Variants in TMEM59 observed in about 807,000 individuals in gnomAD.
TMEM59 encodes the protein transmembrane protein 59, also known as dendritic cell factor 1.
In TMEM59, 44 loss-of-function variants were observed where a neutral mutation model predicts 42.2. That is an observed-to-expected ratio of 1.04 (90% CI 0.82 to 1.34). TMEM59 has a LOEUF of 1.34. Ranked by LOEUF, TMEM59 falls within the 40% of genes most tolerant of loss-of-function variation. The probability of loss-of-function intolerance (pLI) is 0.00; values close to 1 mark genes in which losing one functional copy is unlikely to be tolerated. For missense variants in TMEM59, 359 were observed against 382.8 expected, an observed-to-expected ratio of 0.94 and a Z score of 0.52; for synonymous variants, 148 against 145.8, an observed-to-expected ratio of 1.02 and a Z score of -0.11.
chr1:54,042,141 C>T (rs1464025581), intron 4 of TMEM59, among the ~76,000 whole-genome samples: 7 of 149,996 alleles, frequency 4.7e-5, no homozygotes, highest in Non-Finnish European at 7.4e-5. Flanking sequence ...AGTTCTAATT[C>T]TAGTTGATCA....
chr1:54,046,921 A>G lies in TMEM59; in HGVS notation c.295+346T>C, dbSNP rs1000024454. On this transcript the variant is annotated intron_variant, in intron 2 of 7. Coordinates refer to ENST00000234831, the MANE Select transcript of TMEM59 (RefSeq NM_004872.5). ...CAGTAAAAAACTTGGAGATAAGTCG[A>G]TGAACTTATGATTGAAAGGTTTAGG... Among the ~76,000 whole-genome samples, 6 of 152,356 alleles carry G rather than the reference A, an allele frequency of 3.9e-5. No homozygotes were observed. The East Asian group carries it at 9.6e-4, about 24-fold the overall frequency.
At chr1:54,033,172 G>A (rs949284318) in intron 7 of TMEM59, 20 of 149,500 alleles carry the variant, frequency 1.3e-4, no homozygotes, top group African/African-American at 4.9e-4. Context: ...TGTTGCCTAG[G>A]CTGGTCTCAG....
intron 7 of TMEM59, chr1:54,034,237 T>C (rs913963058): frequency 6.6e-6 from 1 of 152,150 alleles, no homozygotes; most frequent in Admixed American, 6.6e-5. Flanking sequence ...TATCTAGGGC[T>C]GGAGGGTGAG....
intron 2 of TMEM59, 79 bp from the exon 3 acceptor site, chr1:54,045,865 A>T (rs1657315604): frequency 1.5e-6 from 2 of 1,326,440 alleles, no homozygotes; most frequent in East Asian, 5.0e-5. Flanking sequence ...GCATTTTATT[A>T]AAAAAATTTT....
At position 54,031,927 on chromosome 1, in the gene TMEM59, A is replaced by T. The variant is rs141637937; in HGVS notation, c.*223T>A. ...AAAGCAAAAAACAAAATAGCTACAG[A>T]TATTAGTAAAATAATAATACAATCC... On this transcript the variant is annotated 3_prime_UTR_variant, in exon 8 of 8. Transcript: ENST00000234831. 1.8e-4 allele frequency: 70 copies of T among 392,840 alleles called. 1 individual carries two copies. The highest frequency in any genetic ancestry group is 1.3e-3 in the African/African-American group (65 of 48,660). 24.3% of individuals were successfully genotyped at this position (392,840 alleles called of 1,614,324 possible).
chr1:54,047,448 A>C, intron 1 of TMEM59, 76 bp from the exon 2 acceptor site: 1 of 1,184,914 alleles, frequency 8.4e-7, no homozygotes, highest in Non-Finnish European at 1.2e-6. Flanking sequence ...GGTTAGGAAG[A>C]AAGCAGTTAG....
chr1:54,048,897 G>C (rs77432420), intron 1 of TMEM59, among the ~76,000 whole-genome samples: 1,553 of 152,332 alleles, frequency 0.01, 17 homozygotes, highest in Admixed American at 0.014. Flanking sequence ...CTGTTAAGAT[G>C]AAATTGAAAG....
intron 7 of TMEM59, among the ~76,000 whole-genome samples, chr1:54,035,483 A>G (rs1170738506): frequency 1.3e-5 from 2 of 152,170 alleles, no homozygotes; most frequent in East Asian, 3.8e-4. Flanking sequence ...CCAAACAAAA[A>G]TCCTTTACCT....
At position 54,036,614 on chromosome 1, in the gene TMEM59, G is replaced by T; in HGVS notation, c.812C>A (p.Ser271Tyr). 6.3e-7 allele frequency: 1 copy of T among 1,595,868 alleles called. No homozygotes were observed. Among genetic ancestry groups the T allele is most frequent in the South Asian group, 1.1e-5 (1 of 88,256 alleles). The part of the protein sequence containing the change: ...VATAVEQYVP[S>Y]EKLSIYGDLE... ...AATGGTAAGAATTAAATTTACCTCA[G>T]AGGGAACATACTGCTCCACAGCTGT... Residue 271 changes from serine (S) to tyrosine (Y), a missense_variant, in exon 7 of 8, where the codon TCT becomes TAT. Transcript: ENST00000234831.
At position 54,030,217 on chromosome 1, in the gene TMEM59, G is replaced by A. The variant is rs1484347056; in HGVS notation, c.*1933C>T. Reference sequence around the variant, plus strand: ...TGAACTCCTGGCCCCAAGTGATCTAGATAATTCTTTGTTTTGTTTTTATAA... The same window carrying A: ...TGAACTCCTGGCCCCAAGTGATCTAAATAATTCTTTGTTTTGTTTTTATAA... On this transcript the variant is annotated 3_prime_UTR_variant, in exon 8 of 8. Transcript: ENST00000234831. The A allele has an allele frequency of 6.6e-6, 1 of 151,604 alleles. No homozygotes were observed. The highest frequency in any genetic ancestry group is 1.5e-5 in the Non-Finnish European group (1 of 67,886). The allele number at this position is 151,604 out of a possible 1,614,324, so 9.4% of individuals were successfully genotyped here.
intron 4 of TMEM59, among the ~76,000 whole-genome samples, chr1:54,042,046 G>GTTTTTT (rs1253767145): frequency 7.0e-6 from 1 of 142,682 alleles, no homozygotes. Flanking sequence ...TCCTGACAAC[G>GTTTTTT]TTTTGTTTTG....
intron 4 of TMEM59, 97 bp from the exon 5 acceptor site, chr1:54,041,902 G>T: frequency 1.1e-6 from 1 of 913,912 alleles, no homozygotes. Context: ...CATTTAAATT[G>T]AGAAAAAGTA....
At chr1:54,052,095 TCAA>T (rs1294780983) in intron 1 of TMEM59, among the ~76,000 whole-genome samples, 1 of 152,054 alleles carries the variant, frequency 6.6e-6, no homozygotes, top group East Asian at 1.9e-4. Context: ...ACCAGCAACA[TCAA>T]CAAAAGCTCT....
At chr1:54,039,762 A>C (rs1657076259) in intron 6 of TMEM59, among the ~76,000 whole-genome samples, 3 of 151,922 alleles carry the variant, frequency 2.0e-5, no homozygotes, top group Non-Finnish European at 4.4e-5. Context: ...GGTATCTGAC[A>C]CCGAGTAGGT....
intron 4 of TMEM59, among the ~76,000 whole-genome samples, chr1:54,042,052 T>A (rs1456053132): frequency 7.6e-6 from 1 of 130,978 alleles, no homozygotes; most frequent in Non-Finnish European, 1.5e-5. Flanking sequence ...CAACGTTTTG[T>A]TTTGTTTTTT....
In TMEM59 at chr1:54,053,018, G is replaced by T; in HGVS notation, c.171C>A (p.Pro57=). 1.9e-6 allele frequency: 3 copies of T among 1,614,054 alleles called. No individual in the cohort carries two copies. The highest frequency in any genetic ancestry group is 2.5e-6 in the Non-Finnish European group (3 of 1,179,952). The part of the protein sequence containing the change: ...SCHRACQLTY[P]LHTYPKEEEL... ...GCCCTACCTTAGGGTAGGTGTGCAAGGGGTAGGTCAACTGACAGGCCCGGT... is the reference window on the plus strand; with the variant it reads ...GCCCTACCTTAGGGTAGGTGTGCAATGGGTAGGTCAACTGACAGGCCCGGT... Residue 57 remains proline, a synonymous_variant, in exon 1 of 8, where the codon CCC becomes CCA. Transcript: ENST00000234831.
intron 1 of TMEM59, among the ~76,000 whole-genome samples, chr1:54,050,618 C>T (rs554117854): frequency 6.7e-6 from 1 of 149,312 alleles, no homozygotes; most frequent in Non-Finnish European, 1.5e-5. Context: ...GGCTGGAGTG[C>T]GGTGGCGCGG....
intron 7 of TMEM59, among the ~76,000 whole-genome samples, chr1:54,032,789 C>T (rs921866052): frequency 1.3e-5 from 2 of 152,106 alleles, no homozygotes; most frequent in African/African-American, 2.4e-5. Context: ...ATACCATATA[C>T]AAGAAGACAC....
chr1:54,030,000 C>T lies in TMEM59; in HGVS notation c.*2150G>A, dbSNP rs903276884. 6.6e-6 allele frequency: 1 copy of T among 152,068 alleles called. No homozygotes were observed. Among genetic ancestry groups the T allele is most frequent in the Non-Finnish European group, 1.5e-5 (1 of 68,010 alleles). 9.4% of individuals were successfully genotyped at this position (152,068 alleles called of 1,614,324 possible). On this transcript the variant is annotated 3_prime_UTR_variant, in exon 8 of 8. Transcript: ENST00000234831. ...TATTTTCACATATAAGGAATTCTCT[C>T]AACAAGAGGGGAGATATTTGTCTAA... is the stretch of plus-strand genomic sequence containing the variant.
Sources: gnomAD v4.1 joint callset for allele counts (sites outside exome capture counted in the v4.1 genomes callset) on GRCh38, gnomAD v4.1.1 for gene constraint, MANE v1.5 for transcripts, NCBI Gene and HGNC (gene_info 2026-07-23, HGNC 2026-07-21) for gene names.